The following CTSK variants were observed in gnomAD, a reference collection of about 807,000 sequenced individuals.
CTSK encodes the protein cathepsin K.
Under a neutral mutation model 40.5 loss-of-function variants are expected in CTSK, and 26 were observed. That is an observed-to-expected ratio of 0.64 (90% CI 0.47 to 0.89). CTSK has a LOEUF of 0.89. Ranked by LOEUF, CTSK falls within the 40% of genes least tolerant of loss-of-function variation. The pLI, the probability that CTSK is intolerant of heterozygous loss-of-function variation, is 0.00. For synonymous variants in CTSK, 132 were observed against 143.2 expected, an observed-to-expected ratio of 0.92 and a Z score of 0.56; for missense variants, 292 against 400.1, an observed-to-expected ratio of 0.73 and a Z score of 2.30.
chr1:150,801,225 C>T (rs1195925986), intron 5 of CTSK, among the ~76,000 whole-genome samples: 3 of 152,036 alleles, frequency 2.0e-5, no homozygotes, highest in African/African-American at 4.8e-5. Flanking sequence ...CTCCTGAGTT[C>T]GAGCAATTCT....
chr1:150,807,188 C>A, intron 1 of CTSK: 1 of 463,214 alleles, frequency 2.2e-6, no homozygotes, highest in East Asian at 6.6e-5. Flanking sequence ...GCGTTTCCTC[C>A]AGGGTCCCTA....
chr1:150,796,910 A>G lies in CTSK; in HGVS notation c.891-12T>C. 6.5e-7 allele frequency: 1 copy of G among 1,539,054 alleles called. No homozygotes were observed. The highest frequency in any genetic ancestry group is 1.7e-4 in the Middle Eastern group (1 of 5,908). ...AGTTTTCTCCCCAGCTGTAAGACCA[A>G]TCAAGAAAAATACTTAGTACTCTCA... On this transcript the variant is annotated splice_polypyrimidine_tract_variant and intron_variant, in intron 7 of 7. Transcript: ENST00000271651.
At chr1:150,803,041 A>G (rs987529087) in intron 5 of CTSK, among the ~76,000 whole-genome samples, 3 of 152,238 alleles carry the variant, frequency 2.0e-5, no homozygotes, top group Admixed American at 2.0e-4. Flanking sequence ...ATTTTTCCAA[A>G]TATTTTGGCA....
intron 5 of CTSK, among the ~76,000 whole-genome samples, chr1:150,800,226 A>C (rs2101948576): frequency 6.6e-6 from 1 of 150,440 alleles, no homozygotes; most frequent in Non-Finnish European, 1.5e-5. Flanking sequence ...CAGGTGTTTT[A>C]AGACATAAAT....
At chr1:150,799,780 A>G (rs1653950974) in intron 5 of CTSK, 71 bp from the exon 6 acceptor site, 1 of 1,449,622 alleles carries the variant, frequency 6.9e-7, no homozygotes, top group Non-Finnish European at 9.7e-7. Flanking sequence ...AAGAAACTCA[A>G]CCAATATTTT....
intron 5 of CTSK, chr1:150,800,449 T>G (rs1352787949): frequency 1.3e-5 from 2 of 152,724 alleles, no homozygotes; most frequent in Non-Finnish European, 2.9e-5. Flanking sequence ...TGTGCTCTCA[T>G]CAAAGACAAA....
chr1:150,798,752 A>G (rs966639658), intron 7 of CTSK, among the ~76,000 whole-genome samples: 3 of 152,262 alleles, frequency 2.0e-5, no homozygotes, highest in East Asian at 1.9e-4. Flanking sequence ...TCACTCTATT[A>G]GTTCATGCAA....
chr1:150,803,531 G>A (rs1236413761), intron 5 of CTSK, among the ~76,000 whole-genome samples: 1 of 152,128 alleles, frequency 6.6e-6, no homozygotes. Flanking sequence ...CCTATGACTA[G>A]AGGATCATGC....
In CTSK at chr1:150,796,712, A is replaced by T; in HGVS notation, c.*87T>A. ...GTATCACCACATCTGCTTCAAAAAT[A>T]GCACACCAACTCCCTTCCAAAGTGC... On this transcript the variant is annotated 3_prime_UTR_variant, in exon 8 of 8. Transcript: ENST00000271651. The T allele has an allele frequency of 1.1e-6, 1 of 924,060 alleles. No homozygotes were observed. 57.2% of individuals were successfully genotyped at this position (924,060 alleles called of 1,614,324 possible). A position where few individuals can be genotyped will look rare whatever the true frequency, so the allele number is the denominator to read the frequency against.
chr1:150,801,989 A>G (rs4509581), intron 5 of CTSK, among the ~76,000 whole-genome samples: 53,951 of 151,698 alleles, frequency 0.36, 9,951 homozygotes, highest in South Asian at 0.54. Context: ...ATTAAAAATG[A>G]GTAAGGGGTG....
rs1377131516 is a variant in CTSK, at chr1:150,796,391, G to A, written c.*408C>T. On this transcript the variant is annotated 3_prime_UTR_variant, in exon 8 of 8. Coordinates refer to ENST00000271651, the MANE Select transcript of CTSK (RefSeq NM_000396.4). ...ACATTTCTACCTTGAGGATATAGAA[G>A]GGAACTTAGGAAGTGAGAAGTCAGA... 4.1e-6 allele frequency: 1 copy of A among 241,782 alleles called. No homozygotes were observed. Among genetic ancestry groups the A allele is most frequent in the Non-Finnish European group, 8.2e-6 (1 of 122,580 alleles). The allele number at this position is 241,782 out of a possible 1,614,324, so 15.0% of individuals were successfully genotyped here. A position where few individuals can be genotyped will look rare whatever the true frequency, so the allele number is the denominator to read the frequency against.
intron 1 of CTSK, 147 bp downstream of exon 1, chr1:150,808,067 T>C (rs1654157149): frequency 2.0e-5 from 3 of 152,256 alleles, no homozygotes; most frequent in African/African-American, 7.2e-5. Flanking sequence ...AGATTTTATT[T>C]AGCCAGGGAA....
At chr1:150,799,740 G>A (rs587651389) in intron 5 of CTSK, 31 bp from the exon 6 acceptor site, 1 of 1,608,506 alleles carries the variant, frequency 6.2e-7, no homozygotes. Flanking sequence ...ATAGGACTAG[G>A]ACAAAGCAAT....
intron 4 of CTSK, among the ~76,000 whole-genome samples, chr1:150,805,638 C>CAAAAAAA (rs79027279): frequency 5.5e-5 from 3 of 54,990 alleles, no homozygotes; most frequent in African/African-American, 7.9e-5. Context: ...GACTCTATCT[C>CAAAAAAA]AAAAAAAAAA....
At chr1:150,807,067 G>GTC (rs60084401) in intron 1 of CTSK, among the ~76,000 whole-genome samples, 39 of 128,772 alleles carry the variant, frequency 3.0e-4, no homozygotes, top group African/African-American at 1.0e-3. Context: ...TTCTCTCTCT[G>GTC]TCTCTCTCTC....
rs371464900 is a variant in CTSK, at chr1:150,806,794, G to A, written c.12C>T (p.Leu4=). 6.2e-7 allele frequency: 1 copy of A among 1,613,940 alleles called. No individual in the cohort carries two copies. The highest frequency in any genetic ancestry group is 8.5e-7 in the Non-Finnish European group (1 of 1,180,030). MWG[L]KVLLLPVVSF... ...TCACCACAGGTAGCAGCAGAACCTTGAGCCCCCACATCCTGCAGAAGAATG... is the reference window on the plus strand; with the variant it reads ...TCACCACAGGTAGCAGCAGAACCTTAAGCCCCCACATCCTGCAGAAGAATG... The change falls in exon 2 of 8, where the codon CTC becomes CTT. Residue 4 remains leucine (L), a synonymous_variant. Coordinates refer to ENST00000271651, the MANE Select transcript of CTSK (RefSeq NM_000396.4).
intron 6 of CTSK, 133 bp from the exon 7 acceptor site, chr1:150,799,406 T>G: frequency 8.3e-7 from 1 of 1,210,098 alleles, no homozygotes; most frequent in Non-Finnish European, 1.2e-6. Flanking sequence ...TGCTCCATAC[T>G]GCAGCAGTTG....
At chr1:150,807,881 T>TCTC (rs976783546) in intron 1 of CTSK, among the ~76,000 whole-genome samples, 1 of 152,108 alleles carries the variant, frequency 6.6e-6, no homozygotes, top group South Asian at 2.1e-4. Flanking sequence ...CCCATACCAC[T>TCTC]CTCCTCCTCC....
chr1:150,799,592 A>G lies in CTSK; in HGVS notation c.736T>C (p.Ser246Pro). The change falls in exon 6 of 8, where the codon TCT becomes CCT. Residue 246 changes from serine (S) to proline (P), a missense_variant. Coordinates refer to ENST00000271651, the MANE Select transcript of CTSK (RefSeq NM_000396.4). ...KRAVARVGPV[S>P]VAIDASLTSF... is the part of the protein sequence containing the mutation. ...GTCAGGCTTGCATCAATGGCCACAGAGACAGGTCCCACTCGGGCCACTGCC... is the reference window on the plus strand; with the variant it reads ...GTCAGGCTTGCATCAATGGCCACAGGGACAGGTCCCACTCGGGCCACTGCC... 1 of 1,614,210 alleles carries G rather than the reference A, an allele frequency of 6.2e-7. No individual in the cohort carries two copies. Among genetic ancestry groups the G allele is most frequent in the South Asian group, 1.1e-5 (1 of 91,080 alleles).
Sources: allele counts gnomAD v4.1 joint callset (sites outside exome capture counted in the v4.1 genomes callset), GRCh38; gene constraint gnomAD v4.1.1; transcripts MANE v1.5; gene names NCBI Gene and HGNC (gene_info 2026-07-23, HGNC 2026-07-21).